The following UNC5D variants were observed in gnomAD, a reference collection of about 807,000 sequenced individuals.
The protein encoded by UNC5D is netrin receptor UNC5D.
Under a neutral mutation model 105.4 loss-of-function variants are expected in UNC5D, and 39 were observed. The observed-to-expected ratio is 0.37, with a 90% CI of 0.29 to 0.48. The LOEUF is 0.48. UNC5D is among the 20% of genes least tolerant of loss of function. The pLI is 0.98. For synonymous variants in UNC5D, 452 were observed against 450.4 expected, an observed-to-expected ratio of 1.00 and a Z score of -0.04; for missense variants, 991 against 1,202.4, an observed-to-expected ratio of 0.82 and a Z score of 2.60.
At chr8:35,241,230 A>G (rs554459851) in intron 1 of UNC5D, among the ~76,000 whole-genome samples, 3 of 152,358 alleles carry the variant, frequency 2.0e-5, no homozygotes, top group Non-Finnish European at 2.9e-5. Context: ...AGAACTTTTA[A>G]TTGTTTGTGC....
intron 1 of UNC5D, among the ~76,000 whole-genome samples, chr8:35,434,607 T>C (rs900722197): frequency 2.6e-5 from 4 of 152,152 alleles, no homozygotes; most frequent in African/African-American, 9.6e-5. Context: ...CTTTCATAAA[T>C]AATTGTCATT....
intron 1 of UNC5D, among the ~76,000 whole-genome samples, chr8:35,391,613 T>C (rs934604108): frequency 8.5e-5 from 13 of 152,136 alleles, no homozygotes; most frequent in African/African-American, 2.7e-4. Context: ...GGAAAAACTA[T>C]TGGTCAAGCA....
At chr8:35,534,301 G>A (rs975690852) in intron 1 of UNC5D, among the ~76,000 whole-genome samples, 13 of 152,002 alleles carry the variant, frequency 8.6e-5, no homozygotes, top group African/African-American at 3.1e-4. Context: ...CCATCCTACT[G>A]TCAACTTTAA....
chr8:35,409,414 G>A (rs544349225), intron 1 of UNC5D, among the ~76,000 whole-genome samples: 2 of 152,014 alleles, frequency 1.3e-5, no homozygotes, highest in South Asian at 2.1e-4. Context: ...TGCTTTTGTT[G>A]TTGTTTGTTT....
chr8:35,684,575 C>A lies in UNC5D; in HGVS notation c.752-7C>A. ...TTTTTTCTCCCCTCCCCATTTTTCT[C>A]TCTCAGTGAATGGAGGCTGGTCTTC... is the stretch of plus-strand genomic sequence containing the variant. On this transcript the variant is annotated splice_polypyrimidine_tract_variant and splice_region_variant and intron_variant, in intron 5 of 16. Coordinates refer to ENST00000404895, the MANE Select transcript of UNC5D (RefSeq NM_080872.4). The A allele has an allele frequency of 6.2e-7, 1 of 1,606,762 alleles. No individual in the cohort carries two copies. Among genetic ancestry groups the A allele is most frequent in the East Asian group, 2.2e-5 (1 of 44,794 alleles).
chr8:35,595,626 G>T lies in UNC5D; in HGVS notation c.539G>T (p.Cys180Phe). The change falls in exon 4 of 17, where the codon TGC becomes TTC. Residue 180 changes from cysteine (C) to phenylalanine (F), a missense_variant. Around this residue, in one of 3 missense-constraint regions of UNC5D, gnomAD observed 944 missense variants for 1,131.6 expected, o/e 0.83. Transcript: ENST00000404895. ...VPIEGMIVLH[C>F]RPPEGVPAAE... The stretch of plus-strand genomic sequence containing the variant: ...ATTGAAGGCATGATTGTACTGCACT[G>T]CCGCCCACCAGAGGGAGTCCCTGCT... 1 of 1,614,048 alleles carries T rather than the reference G, an allele frequency of 6.2e-7. No homozygotes were observed. The highest frequency in any genetic ancestry group is 1.3e-5 in the African/African-American group (1 of 75,030).
intron 4 of UNC5D, among the ~76,000 whole-genome samples, chr8:35,679,022 G>T (rs191475123): frequency 7.0e-4 from 107 of 152,234 alleles, no homozygotes; most frequent in Admixed American, 1.4e-3. Context: ...AGAGGCCAAG[G>T]TGGATTGCTT....
chr8:35,424,789 A>T (rs1806134222), intron 1 of UNC5D, among the ~76,000 whole-genome samples: 1 of 152,184 alleles, frequency 6.6e-6, no homozygotes, highest in Non-Finnish European at 1.5e-5. Context: ...TACCTTCTCC[A>T]ATTCAAGCTG....
At chr8:35,544,860 C>A (rs959074172) in intron 1 of UNC5D, among the ~76,000 whole-genome samples, 5 of 152,184 alleles carry the variant, frequency 3.3e-5, no homozygotes, top group African/African-American at 1.2e-4. Flanking sequence ...ACCTCTGCCT[C>A]CCAGAGTGCT....
intron 14 of UNC5D, among the ~76,000 whole-genome samples, chr8:35,759,953 G>A (rs1281422299): frequency 3.9e-5 from 6 of 152,040 alleles, no homozygotes; most frequent in Admixed American, 3.9e-4. Context: ...CATATATGAA[G>A]TGTACTTGCT....
chr8:35,701,664 A>C (rs1434825597), intron 7 of UNC5D, among the ~76,000 whole-genome samples: 2 of 152,162 alleles, frequency 1.3e-5, no homozygotes, highest in Admixed American at 6.5e-5. Context: ...ACAAGGGCAG[A>C]CACAAAGCAA....
intron 1 of UNC5D, among the ~76,000 whole-genome samples, chr8:35,441,830 C>A (rs1176691148): frequency 6.6e-6 from 1 of 151,332 alleles, no homozygotes; most frequent in South Asian, 2.1e-4. Context: ...TAGAATCCAT[C>A]GTCTGACCAT....
intron 1 of UNC5D, among the ~76,000 whole-genome samples, chr8:35,447,914 G>A (rs1274808244): frequency 6.6e-6 from 1 of 151,968 alleles, no homozygotes; most frequent in Admixed American, 6.6e-5. Flanking sequence ...TGGAAATCAA[G>A]CATTATTCTA....
chr8:35,667,199 G>A (rs1824481847), intron 4 of UNC5D, among the ~76,000 whole-genome samples: 1 of 151,946 alleles, frequency 6.6e-6, no homozygotes, highest in South Asian at 2.1e-4. Context: ...GCAGAAAATA[G>A]GACAGTCTAA....
intron 3 of UNC5D, among the ~76,000 whole-genome samples, chr8:35,576,919 A>G (rs1394845076): frequency 6.6e-6 from 1 of 152,096 alleles, no homozygotes; most frequent in East Asian, 1.9e-4. Flanking sequence ...GGCAACTAAC[A>G]GAGTTTTAAA....
chr8:35,637,325 A>C (rs1478202219), intron 4 of UNC5D, among the ~76,000 whole-genome samples: 1 of 152,190 alleles, frequency 6.6e-6, no homozygotes, highest in Non-Finnish European at 1.5e-5. Context: ...TACCAATCAA[A>C]AATATTAATT....
chr8:35,368,608 T>C (rs1054936828), intron 1 of UNC5D, among the ~76,000 whole-genome samples: 3 of 150,078 alleles, frequency 2.0e-5, no homozygotes, highest in Non-Finnish European at 3.0e-5. Flanking sequence ...TAAATATATA[T>C]AAATAATATG....
intron 4 of UNC5D, among the ~76,000 whole-genome samples, chr8:35,664,176 A>G (rs978259555): frequency 2.6e-5 from 4 of 152,182 alleles, no homozygotes; most frequent in African/African-American, 2.4e-5. Flanking sequence ...CAGTTATTTT[A>G]TAGTTTTACC....
At chr8:35,674,508 G>C (rs1244444849) in intron 4 of UNC5D, among the ~76,000 whole-genome samples, 1 of 152,120 alleles carries the variant, frequency 6.6e-6, no homozygotes, top group Non-Finnish European at 1.5e-5. Flanking sequence ...TCCTAGAGAT[G>C]CTTTAAGGAT....
Sources: allele counts gnomAD v4.1 joint callset (sites outside exome capture counted in the v4.1 genomes callset), GRCh38; gene constraint gnomAD v4.1.1; regional missense constraint gnomAD v4.1.1; transcripts MANE v1.5; gene names NCBI Gene and HGNC (gene_info 2026-07-23, HGNC 2026-07-21).